MFF: variants seen among roughly 807,000 people sequenced by gnomAD.
MFF encodes the protein mitochondrial fission factor, also known as chromosome 2 open reading frame 33.
In MFF, 12 loss-of-function variants were observed where a neutral mutation model predicts 36.9. That is an observed-to-expected ratio of 0.33 (90% CI 0.21 to 0.53). The LOEUF is 0.53. MFF is among the 20% of genes least tolerant of loss of function. MFF has a pLI of 0.95. For missense variants in MFF, 348 were observed against 366.6 expected (o/e 0.95, Z 0.42); for synonymous variants, 99 against 126.2 (o/e 0.78, Z 1.44).
At chr2:227,350,972 AC>A (rs2075966450) in intron 6 of MFF, among the ~76,000 whole-genome samples, 2 of 152,212 alleles carry the variant, frequency 1.3e-5, no homozygotes, top group African/African-American at 4.8e-5. Flanking sequence ...GTGAAAGGTA[AC>A]TGTATTATTT....
At chr2:227,355,309 A>C (rs2076204008) in intron 7 of MFF, 1 of 160,048 alleles carries the variant, frequency 6.2e-6, no homozygotes, top group Non-Finnish European at 1.4e-5. Flanking sequence ...TATGGACATA[A>C]GTTTGTGTAA....
intron 4 of MFF, among the ~76,000 whole-genome samples, chr2:227,335,889 A>T: frequency 6.6e-6 from 1 of 152,314 alleles, no homozygotes. Flanking sequence ...AGATAAGACC[A>T]TTGCTTGGTG....
At chr2:227,351,064 A>T (rs1228133354) in intron 6 of MFF, among the ~76,000 whole-genome samples, 1 of 152,214 alleles carries the variant, frequency 6.6e-6, no homozygotes, top group Non-Finnish European at 1.5e-5. Flanking sequence ...TACTGTGTGC[A>T]TTTTAAAAAG....
chr2:227,332,426 TGAA>T lies in MFF; in HGVS notation c.192_194del (p.Glu64del), dbSNP rs1559951127. The T allele has an allele frequency of 6.2e-7, 1 of 1,603,848 alleles. No individual in the cohort carries two copies. Among genetic ancestry groups the T allele is most frequent in the South Asian group, 1.1e-5 (1 of 88,518 alleles). On this transcript the variant is annotated inframe_deletion, in exon 4 of 9. Coordinates refer to ENST00000304593, the MANE Select transcript of MFF (RefSeq NM_001277062.2). ...TTTCTTGAAAACTCCTAGGAAATAA[TGAA>T]GATGTTTCATTTTCAAGACCAGCAG...
intron 1 of MFF, among the ~76,000 whole-genome samples, chr2:227,325,822 G>T (rs527992879): frequency 6.6e-6 from 1 of 152,216 alleles, no homozygotes; most frequent in Non-Finnish European, 1.5e-5. Context: ...CCCTGCCAAG[G>T]CCCTGACACC....
intron 1 of MFF, among the ~76,000 whole-genome samples, chr2:227,328,321 C>CAA (rs1491523766): frequency 3.6e-5 from 1 of 27,470 alleles, no homozygotes; most frequent in Non-Finnish European, 9.4e-5. Context: ...AAAAAAAAAA[C>CAA]CAATTCATTT....
chr2:227,342,587 G>A (rs2075457011), intron 5 of MFF, among the ~76,000 whole-genome samples: 1 of 152,138 alleles, frequency 6.6e-6, no homozygotes, highest in African/African-American at 2.4e-5. Flanking sequence ...TATGAGAGCA[G>A]GAGCACTAGC....
Position 227,330,739 on chromosome 2 carries a change from A to C in MFF, c.74A>C (p.Glu25Ala). The C allele has an allele frequency of 6.2e-7, 1 of 1,614,210 alleles. No individual in the cohort carries two copies. Among genetic ancestry groups the C allele is most frequent in the Non-Finnish European group, 8.5e-7 (1 of 1,180,020 alleles). Residue 25 changes from glutamate (E) to alanine (A), a missense_variant, in exon 3 of 9, where the codon GAA (glutamate) becomes GCA (alanine). Glu to Ala is a moderately radical substitution (Grantham distance 107, BLOSUM62 -1). Coordinates refer to ENST00000304593, the MANE Select transcript of MFF (RefSeq NM_001277062.2). Reference sequence around the variant, plus strand: ...ATTAGTCAGCGAATGAGGGTCCCAGAAAAGTTAAAAGTAGCACCGCCAAAC... The same window carrying C: ...ATTAGTCAGCGAATGAGGGTCCCAGCAAAGTTAAAAGTAGCACCGCCAAAC... ...EGISQRMRVP[E>A]KLKVAPPNAD...
intron 4 of MFF, among the ~76,000 whole-genome samples, chr2:227,334,799 T>G (rs1048521347): frequency 3.9e-5 from 6 of 152,034 alleles, no homozygotes; most frequent in African/African-American, 1.4e-4. Context: ...TGGAAGCAAG[T>G]AAAATATCCA....
At position 227,340,247 on chromosome 2, in the gene MFF, A is replaced by G. The variant is rs1013789048; in HGVS notation, c.352-45A>G. 100 of 1,498,012 alleles carry G rather than the reference A, an allele frequency of 6.7e-5. No individual in the cohort carries two copies. The East Asian group carries it at 2.2e-3, about 33-fold the overall frequency. 92.8% of individuals were successfully genotyped at this position (1,498,012 alleles called of 1,614,324 possible). A position where few individuals can be genotyped will look rare whatever the true frequency, so the allele number is the denominator to read the frequency against. On this transcript the variant is annotated intron_variant, in intron 4 of 8. Coordinates refer to ENST00000304593, the MANE Select transcript of MFF (RefSeq NM_001277062.2). ...TTTGATGCTAAGCAGCTACTAGCCT[A>G]CTAAGAATATTTCTATTTCCTTCCC...
At chr2:227,327,217 G>A (rs1053937894) in intron 1 of MFF, among the ~76,000 whole-genome samples, 1 of 151,972 alleles carries the variant, frequency 6.6e-6, no homozygotes, top group African/African-American at 2.4e-5. Context: ...AGTTACTGGT[G>A]TTTGGGAACC....
intron 5 of MFF, among the ~76,000 whole-genome samples, chr2:227,345,745 A>G (rs2075675343): frequency 6.6e-6 from 1 of 152,126 alleles, no homozygotes; most frequent in Non-Finnish European, 1.5e-5. Flanking sequence ...GGGTTTTGCC[A>G]ATTACCATGG....
intron 4 of MFF, among the ~76,000 whole-genome samples, chr2:227,338,518 A>G (rs1036217272): frequency 2.0e-5 from 3 of 152,034 alleles, no homozygotes; most frequent in Admixed American, 6.6e-5. Context: ...TTTTTTTACT[A>G]TAAAGTTTAA....
intron 4 of MFF, among the ~76,000 whole-genome samples, chr2:227,333,968 G>A (rs1008610660): frequency 6.6e-5 from 10 of 152,156 alleles, no homozygotes; most frequent in Non-Finnish European, 1.2e-4. Flanking sequence ...AAGACTCTAC[G>A]GGGTTCATTC....
chr2:227,340,684 G>GA (rs914561987), intron 5 of MFF: 30 of 186,416 alleles, frequency 1.6e-4, no homozygotes, highest in African/African-American at 6.8e-4. Flanking sequence ...AAGACAAATA[G>GA]AATTTTTTTC....
chr2:227,337,781 G>A (rs987421134), intron 4 of MFF, among the ~76,000 whole-genome samples: 3 of 152,276 alleles, frequency 2.0e-5, no homozygotes, highest in Non-Finnish European at 2.9e-5. Context: ...AGGCACAGTG[G>A]CTCACATTTG....
intron 7 of MFF, among the ~76,000 whole-genome samples, chr2:227,354,518 A>G (rs1366479788): frequency 1.3e-5 from 2 of 152,218 alleles, no homozygotes; most frequent in Non-Finnish European, 2.9e-5. Flanking sequence ...GAGGTGAATT[A>G]TGTGGTTATA....
chr2:227,348,782 T>A (rs1207245473), intron 6 of MFF, among the ~76,000 whole-genome samples: 2 of 152,202 alleles, frequency 1.3e-5, no homozygotes. Context: ...AGGGTAATAA[T>A]ATCTAGCTTT....
chr2:227,337,291 G>A (rs79769224), intron 4 of MFF, among the ~76,000 whole-genome samples: 3,965 of 152,278 alleles, frequency 0.026, 179 homozygotes, highest in African/African-American at 0.089. Flanking sequence ...CCCATGATTC[G>A]TGATTTTAAA....
Sources: gnomAD v4.1 joint callset for allele counts (sites outside exome capture counted in the v4.1 genomes callset) on GRCh38, gnomAD v4.1.1 for gene constraint, MANE v1.5 for transcripts, NCBI Gene and HGNC (gene_info 2026-07-23, HGNC 2026-07-21) for gene names.